GTPBP10: variants seen among roughly 807,000 people sequenced by gnomAD.
GTPBP10 encodes the protein GTP-binding protein 10.
A neutral mutation model predicts 44.8 loss-of-function variants in GTPBP10; 38 were observed. The observed-to-expected ratio is 0.85, with a 90% CI of 0.65 to 1.11. The LOEUF is 1.11. Ranked by LOEUF, GTPBP10 falls within the 50% of genes most tolerant of loss-of-function variation. GTPBP10 has a pLI of 0.00. For synonymous variants in GTPBP10, 152 were observed against 150.6 expected (o/e 1.01, Z -0.07); for missense variants, 462 against 453.7 (o/e 1.02, Z -0.17).
chr7:90,355,984 C>T lies in GTPBP10; in HGVS notation c.464+754C>T, dbSNP rs547298723. Among the ~76,000 whole-genome samples the T allele has an allele frequency of 8.0e-5, 12 of 150,620 alleles. No individual in the cohort carries two copies. In the South Asian group the frequency reaches 2.3e-3, roughly 29 times the overall value. ...CCCCCCTCCCTCCTATCCTCTCCCT[C>T]TGGCCCTATCACAGTATTACACAGT... is the stretch of plus-strand genomic sequence containing the variant. On this transcript the variant is annotated intron_variant, in intron 4 of 9. Transcript: ENST00000222511.
intron 4 of GTPBP10, among the ~76,000 whole-genome samples, chr7:90,360,766 G>C (rs544892826): frequency 5.1e-4 from 78 of 152,106 alleles, no homozygotes; most frequent in Admixed American, 1.7e-3. Context: ...TCTTCCTATC[G>C]ATGAGCATGG....
intron 8 of GTPBP10, among the ~76,000 whole-genome samples, chr7:90,379,663 T>C (rs1380339879): frequency 2.0e-5 from 3 of 152,244 alleles, no homozygotes; most frequent in African/African-American, 4.8e-5. Flanking sequence ...CATGTTTTCA[T>C]TTCTCTTGGA....
In GTPBP10 at chr7:90,385,687, CTGATA is replaced by C. The variant is rs1397439896; in HGVS notation, c.*535_*539del. The C allele has an allele frequency of 1.5e-4, 22 of 151,722 alleles. No individual in the cohort carries two copies. The highest frequency in any genetic ancestry group is 1.4e-3 in the Admixed American group (22 of 15,234). The allele number at this position is 151,722 out of a possible 1,614,324, so 9.4% of individuals were successfully genotyped here. On this transcript the variant is annotated 3_prime_UTR_variant, in exon 10 of 10. Transcript: ENST00000222511. Reference sequence around the variant, plus strand: ...ATCTTTTTTTTAGTATTATTACCTTCTGATATATGTGTCATTATTGAAGAACCATA... The same window carrying C: ...ATCTTTTTTTTAGTATTATTACCTTCTATGTGTCATTATTGAAGAACCATA...
In GTPBP10 at chr7:90,389,030, G is replaced by A. The variant is rs1383877495; in HGVS notation, c.*3876G>A. ...GTGTAAACCTACACAAAAGATAAAA[G>A]ATATCTTATTGCAAAAATAGGGCAA... is the stretch of plus-strand genomic sequence containing the variant. On this transcript the variant is annotated 3_prime_UTR_variant, in exon 10 of 10. Transcript: ENST00000222511. 2 of 152,116 alleles carry A rather than the reference G, an allele frequency of 1.3e-5. No homozygotes were observed. The highest frequency in any genetic ancestry group is 1.3e-4 in the Admixed American group (2 of 15,270). The allele number at this position is 152,116 out of a possible 1,614,324, so 9.4% of individuals were successfully genotyped here.
At chr7:90,374,481 T>G (rs1020209113) in intron 6 of GTPBP10, 127 bp downstream of exon 6, 58 of 624,780 alleles carry the variant, frequency 9.3e-5, no homozygotes, top group Non-Finnish European at 2.6e-5. Context: ...AGATTTTGTT[T>G]ATGCTAAGTG....
chr7:90,373,060 G>A (rs1031733634), intron 5 of GTPBP10, among the ~76,000 whole-genome samples: 1 of 152,160 alleles, frequency 6.6e-6, no homozygotes, highest in Non-Finnish European at 1.5e-5. Context: ...TAGAGTGGAG[G>A]GTGAAGGGTC....
intron 1 of GTPBP10, among the ~76,000 whole-genome samples, chr7:90,351,778 C>G (rs1450476000): frequency 6.6e-6 from 1 of 152,130 alleles, no homozygotes; most frequent in Admixed American, 6.5e-5. Context: ...CCACTGCAAG[C>G]TCTGCCTCCC....
At chr7:90,381,694 C>A (rs552235424) in intron 8 of GTPBP10, among the ~76,000 whole-genome samples, 1 of 152,148 alleles carries the variant, frequency 6.6e-6, no homozygotes, top group Non-Finnish European at 1.5e-5. Context: ...ATCAAAACAG[C>A]GTGGTACTGG....
intron 4 of GTPBP10, among the ~76,000 whole-genome samples, chr7:90,361,021 T>G (rs933755567): frequency 6.6e-6 from 1 of 151,950 alleles, no homozygotes; most frequent in Non-Finnish European, 1.5e-5. Flanking sequence ...GCTTATCAGC[T>G]TGAGATTCTG....
chr7:90,359,641 G>A lies in GTPBP10; in HGVS notation c.464+4411G>A, dbSNP rs534128311. ...CTTTATAGCAGCATGATTTATAATC[G>A]TTCGGGTATGTACCCAGTAATGGGA... On this transcript the variant is annotated intron_variant, in intron 4 of 9. Coordinates refer to ENST00000222511, the MANE Select transcript of GTPBP10 (RefSeq NM_033107.4). 5.9e-5 allele frequency among the ~76,000 whole-genome samples: 9 copies of A among 152,212 alleles called. No homozygotes were observed. The South Asian group carries it at 1.0e-3, about 18-fold the overall frequency.
Position 90,355,096 on chromosome 7 carries a change from T to C in GTPBP10, c.330T>C (p.Asn110=). The part of the protein sequence containing the change: ...DENGKIIGEL[N]KENDRILVAQ... ...CTCCCTCTTTTTAAGGAGAACTCAA[T>C]AAAGAAAATGACAGAATTTTGGTAG... The change falls in exon 4 of 10, where the codon AAT becomes AAC. Residue 110 remains asparagine, a synonymous_variant. Transcript: ENST00000222511. The C allele has an allele frequency of 6.3e-7, 1 of 1,580,366 alleles. No individual in the cohort carries two copies. Among genetic ancestry groups the C allele is most frequent in the Non-Finnish European group, 8.7e-7 (1 of 1,154,556 alleles).
In GTPBP10 at chr7:90,355,130, G is replaced by A. The variant is rs762781450; in HGVS notation, c.364G>A (p.Gly122Ser). The A allele has an allele frequency of 6.2e-7, 1 of 1,600,262 alleles. No homozygotes were observed. Among genetic ancestry groups the A allele is most frequent in the Non-Finnish European group, 8.5e-7 (1 of 1,169,918 alleles). Residue 122 changes from glycine (G) to serine (S), a missense_variant, in exon 4 of 10, where the codon GGT (glycine) becomes AGT (serine). Coordinates refer to ENST00000222511, the MANE Select transcript of GTPBP10 (RefSeq NM_033107.4). ...TGACAGAATTTTGGTAGCTCAAGGA[G>A]GTCTTGGTGGTAAATTACTTACAAA... Reference protein sequence around the residue: ...ENDRILVAQGGLGGKLLTNFL... With the variant: ...ENDRILVAQGSLGGKLLTNFL...
chr7:90,379,806 T>TTTTTCCAC (rs904188392), intron 8 of GTPBP10, among the ~76,000 whole-genome samples: 3 of 152,216 alleles, frequency 2.0e-5, no homozygotes, highest in Admixed American at 1.3e-4. Flanking sequence ...TATGTTCCAA[T>TTTTTCCAC]TTTTCCACAT....
At chr7:90,371,016 T>C (rs1478766960) in intron 4 of GTPBP10, among the ~76,000 whole-genome samples, 1 of 85,272 alleles carries the variant, frequency 1.2e-5, no homozygotes, top group Admixed American at 1.2e-4. Flanking sequence ...AATAGATAAA[T>C]AAATAAATAA....
chr7:90,390,823 A>G lies in GTPBP10; in HGVS notation c.*5669A>G, dbSNP rs1796601037. On this transcript the variant is annotated 3_prime_UTR_variant, in exon 10 of 10. Coordinates refer to ENST00000222511, the MANE Select transcript of GTPBP10 (RefSeq NM_033107.4). ...TGTTATTGGTATTATTTCTATATAA[A>G]AGGCTTTAAGAAGACTATAGTATAA... The G allele has an allele frequency of 6.6e-6, 1 of 152,184 alleles. No individual in the cohort carries two copies. The highest frequency in any genetic ancestry group is 1.5e-5 in the Non-Finnish European group (1 of 68,026). The allele number at this position is 152,184 out of a possible 1,614,324, so 9.4% of individuals were successfully genotyped here.
chr7:90,371,219 C>A, intron 4 of GTPBP10: 1 of 965,322 alleles, frequency 1.0e-6, no homozygotes, highest in Non-Finnish European at 1.2e-6. Context: ...CAGTGTCTGT[C>A]TACCTGTATA....
chr7:90,378,094 C>G (rs765378641), intron 7 of GTPBP10, 40 bp from the exon 8 acceptor site: 2 of 1,567,138 alleles, frequency 1.3e-6, no homozygotes, highest in Admixed American at 3.5e-5. Context: ...AGCTATTCTT[C>G]GTATGTTAAA....
At chr7:90,369,390 C>G (rs1307572820) in intron 4 of GTPBP10, among the ~76,000 whole-genome samples, 2 of 152,196 alleles carry the variant, frequency 1.3e-5, no homozygotes, top group African/African-American at 2.4e-5. Flanking sequence ...TTCTGATATG[C>G]CCTGCCCAGA....
rs1212382026 is a variant in GTPBP10, at chr7:90,358,592, ATC to A, written c.464+3367_464+3368del. On this transcript the variant is annotated intron_variant, in intron 4 of 9. Coordinates refer to ENST00000222511, the MANE Select transcript of GTPBP10 (RefSeq NM_033107.4). Reference sequence around the variant, plus strand: ...TGTAGAATAATGAAACTGCATTCATATCTCTCATTATATACGAAAATTAAGAT... The same window carrying A: ...TGTAGAATAATGAAACTGCATTCATATCTCATTATATACGAAAATTAAGAT... Among the ~76,000 whole-genome samples the A allele has an allele frequency of 1.2e-4, 19 of 152,118 alleles. 1 individual carries two copies. Among genetic ancestry groups the A allele is most frequent in the Admixed American group, 1.2e-3 (18 of 15,270 alleles).
Sources: gnomAD v4.1 joint callset for allele counts (sites outside exome capture counted in the v4.1 genomes callset) on GRCh38, gnomAD v4.1.1 for gene constraint, MANE v1.5 for transcripts, NCBI Gene and HGNC (gene_info 2026-07-23, HGNC 2026-07-21) for gene names.